PCDHGA4: variants seen among roughly 807,000 people sequenced by gnomAD.
PCDHGA4 encodes the protein protocadherin gamma subfamily A, 4, also known as protocadherin gamma-A4.
PCDHGA4 carries 38 observed loss-of-function variants against 54.6 expected under a neutral mutation model. The observed-to-expected ratio is 0.70, with a 90% confidence interval of 0.54 to 0.91. The LOEUF is 0.91. Ranked by LOEUF, PCDHGA4 falls within the 40% of genes least tolerant of loss-of-function variation. The pLI, the probability that PCDHGA4 is intolerant of heterozygous loss-of-function variation, is 0.00. For missense variants in PCDHGA4, 1,298 were observed against 1,220.9 expected (o/e 1.06, Z -0.94); for synonymous variants, 511 against 512.9 (o/e 1.00, Z 0.05).
chr5:141,427,871 G>T, intron 1 of PCDHGA4: 1 of 1,559,532 alleles, frequency 6.4e-7, no homozygotes, highest in Non-Finnish European at 8.8e-7. Flanking sequence ...TCGAGCTCAC[G>T]ATGCAGGCCC....
intron 1 of PCDHGA4, chr5:141,360,626 C>G: frequency 6.2e-7 from 1 of 1,614,010 alleles, no homozygotes; most frequent in Non-Finnish European, 8.5e-7. Flanking sequence ...GATGTTGGTC[C>G]TAACTCACTA....
chr5:141,412,040 G>A (rs1046669003), intron 1 of PCDHGA4: 1 of 152,230 alleles, frequency 6.6e-6, no homozygotes, highest in African/African-American at 2.4e-5. Flanking sequence ...TGTGAAAGAA[G>A]TGAACTTCTA....
chr5:141,414,243 A>G (rs2154544977), intron 1 of PCDHGA4: 1 of 1,613,556 alleles, frequency 6.2e-7, no homozygotes. Context: ...TCACGTCTCT[A>G]TTTAGTCCAG....
At chr5:141,419,210 GTTT>G in intron 1 of PCDHGA4, 1 of 1,613,926 alleles carries the variant, frequency 6.2e-7, no homozygotes, top group East Asian at 2.2e-5. Flanking sequence ...CAACGCGCCG[GTTT>G]TCGGACAGTC....
intron 1 of PCDHGA4, among the ~76,000 whole-genome samples, chr5:141,454,730 A>C (rs2098797371): frequency 6.7e-6 from 1 of 150,092 alleles, no homozygotes; most frequent in Admixed American, 6.7e-5. Context: ...TATATGTTAT[A>C]GGATGAAAAG....
intron 1 of PCDHGA4, chr5:141,372,164 G>C: frequency 6.2e-7 from 1 of 1,613,780 alleles, no homozygotes; most frequent in Non-Finnish European, 8.5e-7. Context: ...TGGTGACCAA[G>C]GTGGTGGCGG....
At chr5:141,369,943 A>G (rs1183061731) in intron 1 of PCDHGA4, among the ~76,000 whole-genome samples, 2 of 152,250 alleles carry the variant, frequency 1.3e-5, no homozygotes, top group African/African-American at 4.8e-5. Flanking sequence ...ATTGAGCAAG[A>G]TTATCTCTGC....
At chr5:141,433,321 G>T in intron 1 of PCDHGA4, 1 of 788,106 alleles carries the variant, frequency 1.3e-6, no homozygotes. Flanking sequence ...TGCCTCCGGT[G>T]TAACAGGGAC....
rs1036223789 is a variant in PCDHGA4, at chr5:141,511,298, G to C, written c.*125G>C. 49 of 1,502,412 alleles carry C rather than the reference G, an allele frequency of 3.3e-5. No homozygotes were observed. The African/African-American group carries it at 6.7e-4, about 20-fold the overall frequency. 93.1% of individuals were successfully genotyped at this position (1,502,412 alleles called of 1,614,324 possible). A position where few individuals can be genotyped will look rare whatever the true frequency, so the allele number is the denominator to read the frequency against. The stretch of plus-strand genomic sequence containing the variant: ...GAATACTGGTAGGGGCCAAGGCCAT[G>C]CTCCCCTTGGGAAACAGAAACAAGT... On this transcript the variant is annotated 3_prime_UTR_variant, in exon 4 of 4. Coordinates refer to ENST00000571252, the MANE Select transcript of PCDHGA4 (RefSeq NM_018917.4).
chr5:141,369,622 A>C (rs904281390), intron 1 of PCDHGA4, among the ~76,000 whole-genome samples: 3 of 152,224 alleles, frequency 2.0e-5, no homozygotes, highest in African/African-American at 7.2e-5. Flanking sequence ...TCATTTCCTC[A>C]TTACCTTTAA....
chr5:141,367,277 G>T (rs1319740168), intron 1 of PCDHGA4: 2 of 153,324 alleles, frequency 1.3e-5, no homozygotes, highest in African/African-American at 4.8e-5. Context: ...GGTGGCTGAC[G>T]CCTGTAATCC....
Position 141,415,491 on chromosome 5 carries a change from G to C in PCDHGA4, c.2514+57870G>C, listed in dbSNP as rs1386703838. 3.7e-6 allele frequency: 6 copies of C among 1,614,090 alleles called. No homozygotes were observed. The Admixed American group carries it at 8.3e-5, about 22-fold the overall frequency. ...CCGCGGACTCGCGAAAGAGTCACCTGATCTTCCCCCAGCCCAATTATGCGG... is the reference window on the plus strand; with the variant it reads ...CCGCGGACTCGCGAAAGAGTCACCTCATCTTCCCCCAGCCCAATTATGCGG... On this transcript the variant is annotated intron_variant, in intron 1 of 3. Coordinates refer to ENST00000571252, the MANE Select transcript of PCDHGA4 (RefSeq NM_018917.4).
chr5:141,470,016 C>T (rs116065751), intron 1 of PCDHGA4, among the ~76,000 whole-genome samples: 69 of 152,264 alleles, frequency 4.5e-4, no homozygotes, highest in Non-Finnish European at 7.2e-4. Flanking sequence ...GTAATCCCAG[C>T]TACTCGGGAT....
chr5:141,491,537 C>T lies in PCDHGA4; in HGVS notation c.2515-3270C>T, dbSNP rs1330469043. The T allele has an allele frequency of 3.1e-6, 5 of 1,613,908 alleles. No homozygotes were observed. The highest frequency in any genetic ancestry group is 4.2e-6 in the Non-Finnish European group (5 of 1,180,020). On this transcript the variant is annotated intron_variant, in intron 1 of 3. Transcript: ENST00000571252. This position sits in a 1 kb window ranked among gnomAD's most constrained non-coding sequence, Gnocchi z 6.9. ...AAGTACATGGAGGTGACGCTGCGGC[C>T]CACAGACTCGCAGAGCCACTGCTAC...
At chr5:141,421,303 G>A (rs1456288695) in intron 1 of PCDHGA4, 1 of 1,613,660 alleles carries the variant, frequency 6.2e-7, no homozygotes, top group Non-Finnish European at 8.5e-7. Flanking sequence ...GACGCTGCGG[G>A]GGTTCCGGGC....
In PCDHGA4 at chr5:141,485,269, C is replaced by T. The variant is rs760197007; in HGVS notation, c.2515-9538C>T. The T allele has an allele frequency of 6.2e-7, 1 of 1,614,090 alleles. No homozygotes were observed. Among genetic ancestry groups the T allele is most frequent in the Admixed American group, 1.7e-5 (1 of 60,028 alleles). On this transcript the variant is annotated intron_variant, in intron 1 of 3. Transcript: ENST00000571252. The surrounding 1 kb of genome is among the most constrained non-coding windows in gnomAD (Gnocchi z 5.7). ...TGGGTTACGTTTGTGGGCAGATCCG[C>T]TACCCGGTCCCAGAGGAGTCACAGG... is the stretch of plus-strand genomic sequence containing the variant.
chr5:141,472,564 A>G (rs1471933375), intron 1 of PCDHGA4, among the ~76,000 whole-genome samples: 6 of 152,050 alleles, frequency 3.9e-5, no homozygotes, highest in Admixed American at 2.6e-4. Context: ...TATATTATAA[A>G]TGCTGCATCT....
At chr5:141,469,372 C>G (rs780872014) in intron 1 of PCDHGA4, among the ~76,000 whole-genome samples, 5 of 151,990 alleles carry the variant, frequency 3.3e-5, no homozygotes, top group Non-Finnish European at 5.9e-5. Flanking sequence ...GTAAAGAGAT[C>G]GAGACCATCC....
chr5:141,511,351 C>T lies in PCDHGA4; in HGVS notation c.*178C>T. The T allele has an allele frequency of 3.6e-6, 5 of 1,386,550 alleles. No individual in the cohort carries two copies. Among genetic ancestry groups the T allele is most frequent in the South Asian group, 1.5e-5 (1 of 67,154 alleles). The allele number at this position is 1,386,550 out of a possible 1,614,324, so 85.9% of individuals were successfully genotyped here. On this transcript the variant is annotated 3_prime_UTR_variant, in exon 4 of 4. Transcript: ENST00000571252. ...CCAGTCAGCACCTACCCCTTCCCCC[C>T]CAGGGGGTTGAATATGCAAAAGCAG...
Sources: allele counts gnomAD v4.1 joint callset (sites outside exome capture counted in the v4.1 genomes callset), GRCh38; gene constraint gnomAD v4.1.1; non-coding constraint Gnocchi (gnomAD v3.1); transcripts MANE v1.5; gene names NCBI Gene and HGNC (gene_info 2026-07-23, HGNC 2026-07-21).